Variants in CYP3A43 observed in about 807,000 individuals in gnomAD.
The protein encoded by CYP3A43 is cytochrome P450 3A43.
A neutral mutation model predicts 58.0 loss-of-function variants in CYP3A43; 45 were observed. The ratio of observed to expected loss-of-function variants is 0.78; its 90% CI spans 0.61 to 0.99. The LOEUF is 0.99. Ranked by LOEUF, CYP3A43 falls within the 50% of genes least tolerant of loss-of-function variation. The pLI, the probability that CYP3A43 is intolerant of heterozygous loss-of-function variation, is 0.00. For synonymous variants in CYP3A43, 191 were observed against 201.4 expected, an observed-to-expected ratio of 0.95 and a Z score of 0.44; for missense variants, 593 against 591.9, an observed-to-expected ratio of 1.00 and a Z score of -0.02.
intron 1 of CYP3A43, among the ~76,000 whole-genome samples, chr7:99,829,187 C>G (rs1017554951): frequency 1.3e-5 from 2 of 152,196 alleles, no homozygotes; most frequent in African/African-American, 4.8e-5. Context: ...AGAGATTCAC[C>G]TTGCCCCCTG....
intron 7 of CYP3A43, 151 bp downstream of exon 7, chr7:99,849,845 A>C (rs1817682267): frequency 1.2e-6 from 1 of 824,140 alleles, no homozygotes; most frequent in African/African-American, 1.8e-5. Flanking sequence ...AGATATGCAC[A>C]ACCAACATCA....
chr7:99,844,099 A>G lies in CYP3A43; in HGVS notation c.219-44A>G, dbSNP rs556452303. 2.0e-6 allele frequency: 3 copies of G among 1,504,676 alleles called. No homozygotes were observed. In the South Asian group the frequency reaches 3.6e-5, roughly 18 times the overall value. 93.2% of individuals were successfully genotyped at this position (1,504,676 alleles called of 1,614,324 possible). On this transcript the variant is annotated intron_variant, in intron 3 of 12. Transcript: ENST00000354829. ...TCTTTGGTGTGGTTCCAGCTGCAGA[A>G]TCAGGCAAGCGAGGTTTAGTCAGCT...
chr7:99,864,984 A>G (rs1406250105), intron 12 of CYP3A43, among the ~76,000 whole-genome samples: 1 of 148,516 alleles, frequency 6.7e-6, no homozygotes, highest in Non-Finnish European at 1.5e-5. Context: ...TGCATTTACT[A>G]TGCAACTCCT....
At chr7:99,846,879 C>T (rs1033932464) in intron 4 of CYP3A43, among the ~76,000 whole-genome samples, 2 of 152,082 alleles carry the variant, frequency 1.3e-5, no homozygotes, top group East Asian at 1.9e-4. Context: ...ATAGGCCTGT[C>T]GCAAGTTGGG....
chr7:99,864,917 A>G (rs1205093277), intron 12 of CYP3A43, among the ~76,000 whole-genome samples: 1 of 148,704 alleles, frequency 6.7e-6, no homozygotes, highest in East Asian at 1.9e-4. Flanking sequence ...AACTTAATGA[A>G]CACTTGTCAT....
At chr7:99,832,041 A>G (rs981334871) in intron 1 of CYP3A43, among the ~76,000 whole-genome samples, 1 of 152,190 alleles carries the variant, frequency 6.6e-6, no homozygotes, top group Non-Finnish European at 1.5e-5. Flanking sequence ...TTCCATAGAA[A>G]TAAGAACACT....
chr7:99,859,357 CT>C (rs1167677643), intron 9 of CYP3A43, among the ~76,000 whole-genome samples: 1 of 152,184 alleles, frequency 6.6e-6, no homozygotes, highest in Non-Finnish European at 1.5e-5. Context: ...AGAAAAGTTC[CT>C]TTATATTTCC....
chr7:99,836,196 A>G (rs1817069551), intron 1 of CYP3A43, among the ~76,000 whole-genome samples: 1 of 152,250 alleles, frequency 6.6e-6, no homozygotes, highest in South Asian at 2.1e-4. Flanking sequence ...AGTGAGGCTC[A>G]GTCCTTTGGA....
intron 12 of CYP3A43, among the ~76,000 whole-genome samples, chr7:99,863,922 G>C (rs926069308): frequency 2.0e-5 from 3 of 148,510 alleles, no homozygotes; most frequent in East Asian, 1.9e-4. Flanking sequence ...ATATAGATTA[G>C]CATGGTATAA....
chr7:99,834,663 T>A (rs2151590468), intron 1 of CYP3A43, among the ~76,000 whole-genome samples: 1 of 151,614 alleles, frequency 6.6e-6, no homozygotes, highest in East Asian at 2.0e-4. Context: ...TAAGTAGGAG[T>A]TGTTCTGGGC....
At chr7:99,852,016 A>G (rs369723261) in intron 7 of CYP3A43, among the ~76,000 whole-genome samples, 27 of 152,326 alleles carry the variant, frequency 1.8e-4, no homozygotes, top group African/African-American at 5.5e-4. Flanking sequence ...TTATTCTTAC[A>G]CTTGGCTATC....
Position 99,856,103 on chromosome 7 carries a change from T to A in CYP3A43, c.798+385T>A, listed in dbSNP as rs1192796955. 2.6e-5 allele frequency among the ~76,000 whole-genome samples: 4 copies of A among 152,192 alleles called. No homozygotes were observed. The East Asian group carries it at 7.7e-4, about 29-fold the overall frequency. On this transcript the variant is annotated intron_variant, in intron 8 of 12. Coordinates refer to ENST00000354829, the MANE Select transcript of CYP3A43 (RefSeq NM_057095.3). ...TATTACAATTTCCCTAGTTCTTATA[T>A]TAGTAAGGAATCATTTCAAGTCCAA...
intron 7 of CYP3A43, among the ~76,000 whole-genome samples, chr7:99,853,207 A>G (rs1037860504): frequency 2.0e-5 from 3 of 152,166 alleles, no homozygotes; most frequent in Non-Finnish European, 2.9e-5. Flanking sequence ...AGAATTCATT[A>G]TTGGAACTAT....
chr7:99,864,395 G>T (rs1335099855), intron 12 of CYP3A43, among the ~76,000 whole-genome samples: 1 of 148,464 alleles, frequency 6.7e-6, no homozygotes, highest in African/African-American at 2.6e-5. Context: ...CCCAATAATA[G>T]CTCTATGAAT....
Position 99,848,266 on chromosome 7 carries a change from A to C in CYP3A43, c.521+12A>C, listed in dbSNP as rs375014878. ...ATCAACTTGAAAGAGTAAGTAGCAC[A>C]GTCTTGAGGTTCTGAGCTGTCATGA... On this transcript the variant is annotated intron_variant, in intron 6 of 12. Coordinates refer to ENST00000354829, the MANE Select transcript of CYP3A43 (RefSeq NM_057095.3). 3 of 1,613,732 alleles carry C rather than the reference A, an allele frequency of 1.9e-6. No homozygotes were observed. The highest frequency in any genetic ancestry group is 2.5e-6 in the Non-Finnish European group (3 of 1,179,782).
intron 12 of CYP3A43, among the ~76,000 whole-genome samples, chr7:99,864,064 T>A (rs887400099): frequency 1.3e-5 from 2 of 148,652 alleles, no homozygotes; most frequent in Non-Finnish European, 2.9e-5. Context: ...GGTGCTCTCC[T>A]CCACTAGAAC....
At chr7:99,860,867 A>G (rs45589541) in intron 10 of CYP3A43, among the ~76,000 whole-genome samples, 9,471 of 147,888 alleles carry the variant, frequency 0.064, 318 homozygotes, top group Non-Finnish European at 0.07. Context: ...TATATAACAT[A>G]GTGTTACTCT....
At chr7:99,843,860 T>C (rs1345096939) in intron 3 of CYP3A43, among the ~76,000 whole-genome samples, 1 of 152,242 alleles carries the variant, frequency 6.6e-6, no homozygotes, top group Non-Finnish European at 1.5e-5. Context: ...AGGCTTCTGA[T>C]ATTTCTAACC....
rs542437960 is a variant in CYP3A43 at position 99,841,756 on chromosome 7, A to G, written c.219-2387A>G. Among the ~76,000 whole-genome samples, 8 of 152,220 alleles carry G rather than the reference A, an allele frequency of 5.3e-5. No individual in the cohort carries two copies. In the East Asian group the frequency reaches 9.7e-4, roughly 18 times the overall value. On this transcript the variant is annotated intron_variant, in intron 3 of 12. Coordinates refer to ENST00000354829, the MANE Select transcript of CYP3A43 (RefSeq NM_057095.3). ...CTGTTACCCAGGTTGGTGCAGTGGC[A>G]CCATCTTGGCTCACTGTAGCCTCTG...
Sources: allele counts gnomAD v4.1 joint callset (sites outside exome capture counted in the v4.1 genomes callset), GRCh38; gene constraint gnomAD v4.1.1; transcripts MANE v1.5; gene names NCBI Gene and HGNC (gene_info 2026-07-23, HGNC 2026-07-21).